EFNB2: variants seen among roughly 807,000 people sequenced by gnomAD.
EFNB2 encodes the protein ephrin B2, also known as ephrin-B2.
In EFNB2, 5 loss-of-function variants were observed where a neutral mutation model predicts 32.1. The ratio of observed to expected loss-of-function variants is 0.16; its 90% CI spans 0.08 to 0.33. The LOEUF is 0.33. Among genes scored for constraint, EFNB2 ranks in the 10% least tolerant of loss-of-function variants. The probability of loss-of-function intolerance (pLI) is 1.00; values close to 1 mark genes in which losing one functional copy is unlikely to be tolerated. For missense variants in EFNB2, 263 were observed against 422.6 expected, an observed-to-expected ratio of 0.62 and a Z score of 3.31; for synonymous variants, 168 against 166.5, an observed-to-expected ratio of 1.01 and a Z score of -0.07.
At chr13:106,510,706 A>G (rs1176997731) in intron 2 of EFNB2, among the ~76,000 whole-genome samples, 1 of 151,068 alleles carries the variant, frequency 6.6e-6, no homozygotes, top group African/African-American at 2.5e-5. Flanking sequence ...TCACTGAAAA[A>G]GTCTTACTTT....
rs1019783412 is a variant in EFNB2, at chr13:106,522,144, G to A, written c.123-9332C>T. ...AAAATGTGGAGATTTGAAGAGTAAG[G>A]CTGGGATGCTATGTACAGTGGGCAA... On this transcript the variant is annotated intron_variant, in intron 1 of 4. Coordinates refer to ENST00000646441, the MANE Select transcript of EFNB2 (RefSeq NM_004093.4). 2.0e-5 allele frequency among the ~76,000 whole-genome samples: 3 copies of A among 152,198 alleles called. No homozygotes were observed. The South Asian group carries it at 6.2e-4, about 32-fold the overall frequency.
intron 2 of EFNB2, among the ~76,000 whole-genome samples, chr13:106,511,023 A>T (rs548468754): frequency 4.0e-3 from 616 of 152,260 alleles, no homozygotes; most frequent in African/African-American, 0.014. Context: ...TAAAATAAAA[A>T]AATAAAGTCT....
At chr13:106,498,551 G>T (rs1011235185) in intron 2 of EFNB2, among the ~76,000 whole-genome samples, 1 of 152,220 alleles carries the variant, frequency 6.6e-6, no homozygotes, top group African/African-American at 2.4e-5. Flanking sequence ...AAATTCAATT[G>T]GAATCTATAA....
At chr13:106,509,474 C>A (rs1202863849) in intron 2 of EFNB2, among the ~76,000 whole-genome samples, 1 of 152,152 alleles carries the variant, frequency 6.6e-6, no homozygotes, top group African/African-American at 2.4e-5. Flanking sequence ...TATTTACTGT[C>A]TCAAAGTGAA....
chr13:106,512,392 A>G (rs11840980), intron 2 of EFNB2, 137 bp downstream of exon 2: 6,523 of 298,408 alleles, frequency 0.022, 156 homozygotes, highest in African/African-American at 0.09. Flanking sequence ...AAAAAAAAAA[A>G]GGGGGGGGGG....
intron 3 of EFNB2, 51 bp downstream of exon 3, chr13:106,495,697 G>C: frequency 1.3e-6 from 2 of 1,555,156 alleles, no homozygotes; most frequent in Non-Finnish European, 1.8e-6. Flanking sequence ...CATACTAGCT[G>C]GGGGCTACAC....
At chr13:106,504,267 G>A (rs894027589) in intron 2 of EFNB2, among the ~76,000 whole-genome samples, 12 of 152,198 alleles carry the variant, frequency 7.9e-5, no homozygotes, top group African/African-American at 1.7e-4. Context: ...ATTGCGAGAC[G>A]AGTGGCACTG....
At chr13:106,533,304 C>T (rs1879945954) in intron 1 of EFNB2, among the ~76,000 whole-genome samples, 1 of 152,000 alleles carries the variant, frequency 6.6e-6, no homozygotes, top group Admixed American at 6.5e-5. Flanking sequence ...CTCCGGGACC[C>T]GCTGCTGCGC....
intron 1 of EFNB2, among the ~76,000 whole-genome samples, chr13:106,529,426 C>T (rs1879804168): frequency 6.6e-6 from 1 of 152,188 alleles, no homozygotes; most frequent in South Asian, 2.1e-4. Flanking sequence ...CAATCTCAAT[C>T]TATAAAAAAG....
intron 2 of EFNB2, 77 bp downstream of exon 2, chr13:106,512,452 A>C (rs979015860): frequency 3.1e-6 from 3 of 975,658 alleles, no homozygotes; most frequent in African/African-American, 1.7e-5. Flanking sequence ...CAATAATTTT[A>C]AGGAAACAAA....
chr13:106,530,842 A>G (rs921599858), intron 1 of EFNB2, among the ~76,000 whole-genome samples: 5 of 152,216 alleles, frequency 3.3e-5, no homozygotes, highest in African/African-American at 9.7e-5. Flanking sequence ...TCCAGTTGCA[A>G]TGTCCATCTG....
chr13:106,501,940 A>T lies in EFNB2; in HGVS notation c.407-6100T>A, dbSNP rs186858424. On this transcript the variant is annotated intron_variant, in intron 2 of 4. Coordinates refer to ENST00000646441, the MANE Select transcript of EFNB2 (RefSeq NM_004093.4). ...TTTATACTTAGCAAAGTTAATTTAA[A>T]CAAAACAAGCCCTCTACTTGATGAG... 6.6e-5 allele frequency among the ~76,000 whole-genome samples: 10 copies of T among 152,320 alleles called. No individual in the cohort carries two copies. In the East Asian group the frequency reaches 1.9e-3, roughly 29 times the overall value.
chr13:106,501,623 C>G (rs1017460979), intron 2 of EFNB2, among the ~76,000 whole-genome samples: 9 of 150,520 alleles, frequency 6.0e-5, no homozygotes, highest in Non-Finnish European at 1.0e-4. Flanking sequence ...GACGGAGTCT[C>G]GCTCTGTCAC....
At position 106,534,163 on chromosome 13, in the gene EFNB2, C is replaced by T. The variant is rs561874348; in HGVS notation, c.122+680G>A. Among the ~76,000 whole-genome samples, 181 of 152,324 alleles carry T rather than the reference C, an allele frequency of 1.2e-3. 1 individual carries two copies. The highest frequency in any genetic ancestry group is 4.1e-4 in the Non-Finnish European group (28 of 68,034). On this transcript the variant is annotated intron_variant, in intron 1 of 4. Coordinates refer to ENST00000646441, the MANE Select transcript of EFNB2 (RefSeq NM_004093.4). The stretch of plus-strand genomic sequence containing the variant: ...TACTCCGGGGCTACCGGCTTATGAA[C>T]GAAGCGGGAGGCCGAGGTGCGGCGG...
At chr13:106,515,985 T>C (rs1879299619) in intron 1 of EFNB2, 1 of 152,200 alleles carries the variant, frequency 6.6e-6, no homozygotes, top group African/African-American at 2.4e-5. Flanking sequence ...AAGTCCCACA[T>C]GTGACTAATT....
At chr13:106,516,091 A>G (rs1191035515) in intron 1 of EFNB2, 2 of 152,240 alleles carry the variant, frequency 1.3e-5, no homozygotes, top group African/African-American at 4.8e-5. Context: ...AGAAGCTAAC[A>G]TTTATACAAA....
chr13:106,522,681 TC>T (rs1312529026), intron 1 of EFNB2, among the ~76,000 whole-genome samples: 1 of 141,452 alleles, frequency 7.1e-6, no homozygotes, highest in Non-Finnish European at 1.6e-5. Context: ...CTTCCTACCA[TC>T]ATATTTTTTT....
chr13:106,520,746 T>C (rs1388685036), intron 1 of EFNB2: 1 of 145,988 alleles, frequency 6.8e-6, no homozygotes, highest in Non-Finnish European at 1.5e-5. Flanking sequence ...CAGGCAGTAA[T>C]AAGAAATACT....
At chr13:106,497,216 T>C (rs1878619527) in intron 2 of EFNB2, among the ~76,000 whole-genome samples, 1 of 152,228 alleles carries the variant, frequency 6.6e-6, no homozygotes, top group South Asian at 2.1e-4. Flanking sequence ...ACTTTCACTG[T>C]TTTCCTCAAA....
Sources: allele counts gnomAD v4.1 joint callset (sites outside exome capture counted in the v4.1 genomes callset), GRCh38; gene constraint gnomAD v4.1.1; transcripts MANE v1.5; gene names NCBI Gene and HGNC (gene_info 2026-07-23, HGNC 2026-07-21).